Variants in CDH1 observed in about 807,000 individuals in gnomAD.
The protein encoded by CDH1 is cadherin 1.
Under a neutral mutation model 84.5 loss-of-function variants are expected in CDH1, and 35 were observed. That is an observed-to-expected ratio of 0.41 (90% CI 0.32 to 0.55). CDH1 has a LOEUF of 0.55. Among genes scored for constraint, CDH1 ranks in the 20% least tolerant of loss-of-function variants. The pLI, the probability that CDH1 is intolerant of heterozygous loss-of-function variation, is 0.19. For missense variants in CDH1, 994 were observed against 1,126.6 expected (o/e 0.88, Z 1.68); for synonymous variants, 417 against 439.0 (o/e 0.95, Z 0.63).
At chr16:68,824,334 A>T (rs922467846) in intron 13 of CDH1, among the ~76,000 whole-genome samples, 5 of 152,066 alleles carry the variant, frequency 3.3e-5, no homozygotes, top group Admixed American at 6.6e-5. Flanking sequence ...GGCGGTACTG[A>T]TGTTGCAGTT....
intron 2 of CDH1, among the ~76,000 whole-genome samples, chr16:68,760,075 CAT>C (rs71382069): frequency 0.19 from 24,279 of 127,396 alleles, 2,323 homozygotes; most frequent in East Asian, 0.26. Flanking sequence ...TAAAGTATTC[CAT>C]ATATATATAT....
At chr16:68,788,910 C>T (rs1234072533) in intron 2 of CDH1, among the ~76,000 whole-genome samples, 1 of 152,114 alleles carries the variant, frequency 6.6e-6, no homozygotes, top group African/African-American at 2.4e-5. Flanking sequence ...GAGGCTGAGG[C>T]AGGAGAGTCA....
Position 68,738,155 on chromosome 16 carries a change from G to C in CDH1, c.49-142G>C, listed in dbSNP as rs899209737. The C allele has an allele frequency of 6.5e-6, 4 of 615,454 alleles. No homozygotes were observed. The African/African-American group carries it at 7.6e-5, about 12-fold the overall frequency. The allele number at this position is 615,454 out of a possible 1,614,324, so 38.1% of individuals were successfully genotyped here. A position where few individuals can be genotyped will look rare whatever the true frequency, so the allele number is the denominator to read the frequency against. On this transcript the variant is annotated intron_variant, in intron 1 of 15. Coordinates refer to ENST00000261769, the MANE Select transcript of CDH1 (RefSeq NM_004360.5). ...CGGGGTGGGGGAGGGTGACGTCGCT[G>C]CCCGCCCGTCCCGGGGCTGCGGGCT...
chr16:68,738,147 A>C, intron 1 of CDH1, 150 bp from the exon 2 acceptor site: 1 of 598,890 alleles, frequency 1.7e-6, no homozygotes, highest in Non-Finnish European at 3.0e-6. Flanking sequence ...GGGGAGGGTG[A>C]CGTCGCTGCC....
intron 2 of CDH1, among the ~76,000 whole-genome samples, chr16:68,759,590 A>C (rs1162780088): frequency 1.3e-5 from 2 of 150,242 alleles, no homozygotes; most frequent in East Asian, 4.0e-4. Context: ...CCCGAGTTCA[A>C]GCGATTCTCC....
chr16:68,829,784 AT>A lies in CDH1; in HGVS notation c.2430del (p.Phe810LeufsTer6), dbSNP rs786203752. On this transcript the variant is annotated frameshift_variant, in exon 15 of 16. Transcript: ENST00000261769. LOFTEE classifies it high-confidence loss of function. Reference protein sequence around the residue: ...PRPANPDEIGNFIDENLKAAD... With the variant: ...PRPANPDEIGXFIDENLKAAD... ...CCTGCCAATCCCGATGAAATTGGAA[AT>A]TTTATTGATGAAGTAAGTAATCCAC... is the stretch of plus-strand genomic sequence containing the variant. The A allele has an allele frequency of 6.2e-7, 1 of 1,614,006 alleles. No homozygotes were observed. Among genetic ancestry groups the A allele is most frequent in the Non-Finnish European group, 8.5e-7 (1 of 1,180,016 alleles).
chr16:68,818,515 GTTGGTTTTC>G lies in CDH1; in HGVS notation c.1566-753_1566-745del, dbSNP rs1443307903. ...ATTATAGTAACTTGTCTGTTGTATT[GTTGGTTTTC>G]TTGGTTTTCTTTTTTTTTTTTTTTT... On this transcript the variant is annotated intron_variant, in intron 10 of 15. Coordinates refer to ENST00000261769, the MANE Select transcript of CDH1 (RefSeq NM_004360.5). 3.6e-4 allele frequency among the ~76,000 whole-genome samples: 52 copies of G among 146,034 alleles called. 1 individual carries two copies. The highest frequency in any genetic ancestry group is 1.2e-3 in the African/African-American group (46 of 39,802).
intron 2 of CDH1, among the ~76,000 whole-genome samples, chr16:68,745,549 A>AAATATATATATATCTATGT (rs1555510453): frequency 1.3e-5 from 1 of 75,182 alleles, no homozygotes; most frequent in Non-Finnish European, 2.4e-5. Context: ...AAAAAAAAAA[A>AAATATATATATATCTATGT]ATATATATAT....
At chr16:68,809,144 G>A (rs1960751484) in intron 5 of CDH1, 1 of 451,046 alleles carries the variant, frequency 2.2e-6, no homozygotes, top group East Asian at 4.4e-5. Context: ...CTGACCTAAA[G>A]GAACAGGACA....
At chr16:68,762,189 C>A (rs1959236794) in intron 2 of CDH1, among the ~76,000 whole-genome samples, 1 of 152,196 alleles carries the variant, frequency 6.6e-6, no homozygotes, top group Admixed American at 6.5e-5. Flanking sequence ...GGGGACACCT[C>A]CCAGTGTTCC....
At chr16:68,765,699 T>TC (rs1477834805) in intron 2 of CDH1, 1 of 151,464 alleles carries the variant, frequency 6.6e-6, no homozygotes, top group Non-Finnish European at 1.5e-5. Context: ...CCTTTTTTTT[T>TC]TTTCTTTAAG....
rs142174238 is a variant in CDH1 at position 68,754,390 on chromosome 16, C to T, written c.163+15979C>T. Among the ~76,000 whole-genome samples the T allele has an allele frequency of 6.6e-4, 100 of 152,134 alleles. 3 individuals carry two copies. The East Asian group carries it at 0.017, about 26-fold the overall frequency. Reference sequence around the variant, plus strand: ...CTGCCTCCCTGCACTCCAGCCTGGGCGACAGAGTGAGACACTGTCTCAAGA... The same window carrying T: ...CTGCCTCCCTGCACTCCAGCCTGGGTGACAGAGTGAGACACTGTCTCAAGA... On this transcript the variant is annotated intron_variant, in intron 2 of 15. Transcript: ENST00000261769.
intron 10 of CDH1, among the ~76,000 whole-genome samples, chr16:68,816,601 T>G (rs771291779): frequency 2.6e-5 from 4 of 152,000 alleles, no homozygotes; most frequent in Non-Finnish European, 5.9e-5. Context: ...CACAAGAAAT[T>G]AGCTGGGCAT....
chr16:68,770,981 C>T (rs1254808213), intron 2 of CDH1: 37 of 151,788 alleles, frequency 2.4e-4, no homozygotes, highest in Non-Finnish European at 2.9e-5. Context: ...CAGCCAACTC[C>T]TGCGTCAGGT....
intron 2 of CDH1, among the ~76,000 whole-genome samples, chr16:68,740,977 G>T (rs1962548449): frequency 6.6e-6 from 1 of 151,978 alleles, no homozygotes. Context: ...GGTGTTTGGG[G>T]AATTAGTGTC....
intron 2 of CDH1, among the ~76,000 whole-genome samples, chr16:68,773,961 G>A (rs571934769): frequency 3.1e-4 from 47 of 152,350 alleles, no homozygotes; most frequent in African/African-American, 1.1e-3. Context: ...CTGTCACCTA[G>A]GCTAGAGTGC....
In CDH1 at chr16:68,743,320, TTTC is replaced by T. The variant is rs1336748757; in HGVS notation, c.163+4912_163+4914del. Among the ~76,000 whole-genome samples the T allele has an allele frequency of 2.8e-3, 62 of 22,214 alleles. 1 individual carries two copies. The highest frequency in any genetic ancestry group is 5.9e-3 in the Admixed American group (14 of 2,366). The allele number at this position is 22,214 out of a possible 152,430, so 14.6% of individuals were successfully genotyped here. On this transcript the variant is annotated intron_variant, in intron 2 of 15. Coordinates refer to ENST00000261769, the MANE Select transcript of CDH1 (RefSeq NM_004360.5). ...CTTTCTTTCTTTCTTTCTTTCTTTC[TTTC>T]TTTCTTTCTTTCTTTCTTTCTTTCT...
intron 2 of CDH1, chr16:68,765,634 C>T (rs1027996013): frequency 6.6e-6 from 1 of 151,424 alleles, no homozygotes; most frequent in South Asian, 2.1e-4. Flanking sequence ...TAATCATGAA[C>T]CTGAGGGCTC....
chr16:68,777,357 T>A (rs1308973579), intron 2 of CDH1, among the ~76,000 whole-genome samples: 2 of 152,154 alleles, frequency 1.3e-5, no homozygotes, highest in Non-Finnish European at 2.9e-5. Context: ...ATGGAGACAA[T>A]AATAGTACCT....
Sources: gnomAD v4.1 joint callset for allele counts (sites outside exome capture counted in the v4.1 genomes callset) on GRCh38, gnomAD v4.1.1 for gene constraint, MANE v1.5 for transcripts, NCBI Gene and HGNC (gene_info 2026-07-23, HGNC 2026-07-21) for gene names.